Variants in MYO3B observed in about 807,000 individuals in gnomAD.
MYO3B encodes myosin-IIIb.
MYO3B carries 156 observed loss-of-function variants against 174.6 expected under a neutral mutation model. That is an observed-to-expected ratio of 0.89 (90% CI 0.78 to 1.02). The LOEUF (loss-of-function observed/expected upper bound fraction) is 1.02, where lower values mean the gene tolerates loss of function less well. MYO3B is among the 50% of genes least tolerant of loss of function. The pLI, the probability that MYO3B is intolerant of heterozygous loss-of-function variation, is 0.00. For missense variants in MYO3B, 1,632 were observed against 1,639.4 expected, an observed-to-expected ratio of 1.00 and a Z score of 0.08; for synonymous variants, 563 against 569.1, an observed-to-expected ratio of 0.99 and a Z score of 0.15.
At chr2:170,527,666 T>A (rs995806588) in intron 30 of MYO3B, among the ~76,000 whole-genome samples, 2 of 152,204 alleles carry the variant, frequency 1.3e-5, no homozygotes, top group Non-Finnish European at 2.9e-5. Context: ...GGAGCCAAAC[T>A]GCCTCTGTTC....
intron 25 of MYO3B, among the ~76,000 whole-genome samples, chr2:170,487,410 G>A (rs1052746658): frequency 1.3e-5 from 2 of 152,070 alleles, no homozygotes; most frequent in Non-Finnish European, 2.9e-5. Context: ...TTGCTTACTC[G>A]TGTCATTCAG....
At chr2:170,191,407 G>A (rs1294880885) in intron 1 of MYO3B, among the ~76,000 whole-genome samples, 2 of 152,044 alleles carry the variant, frequency 1.3e-5, no homozygotes, top group Non-Finnish European at 2.9e-5. Flanking sequence ...ACTTGCCCAG[G>A]AATTGCAGTC....
intron 32 of MYO3B, among the ~76,000 whole-genome samples, chr2:170,561,225 T>A (rs373752567): frequency 6.6e-6 from 1 of 152,318 alleles, no homozygotes; most frequent in African/African-American, 2.4e-5. Flanking sequence ...AAAGAAGAGT[T>A]AGAATGGATG....
At chr2:170,499,232 C>G (rs1402147948) in intron 26 of MYO3B, among the ~76,000 whole-genome samples, 2 of 152,192 alleles carry the variant, frequency 1.3e-5, no homozygotes, top group Non-Finnish European at 2.9e-5. Context: ...TCCTCCTCAG[C>G]AGAAATTAGA....
At chr2:170,217,052 A>G (rs1041608965) in intron 5 of MYO3B, among the ~76,000 whole-genome samples, 8 of 150,488 alleles carry the variant, frequency 5.3e-5, no homozygotes, top group Non-Finnish European at 1.0e-4. Flanking sequence ...AAAAAAACCC[A>G]AAATATTCTG....
At chr2:170,237,172 C>T (rs896727302) in intron 7 of MYO3B, among the ~76,000 whole-genome samples, 3 of 152,128 alleles carry the variant, frequency 2.0e-5, no homozygotes, top group African/African-American at 7.2e-5. Context: ...AGACGAAGCA[C>T]CTGGCTTTTT....
intron 32 of MYO3B, among the ~76,000 whole-genome samples, chr2:170,582,792 A>G (rs931687814): frequency 2.0e-5 from 3 of 152,094 alleles, no homozygotes; most frequent in African/African-American, 7.2e-5. Context: ...AAAAATCGTC[A>G]TTGTGGTTTT....
chr2:170,529,960 A>G (rs914830146), intron 30 of MYO3B, among the ~76,000 whole-genome samples: 5 of 152,258 alleles, frequency 3.3e-5, no homozygotes, highest in African/African-American at 1.2e-4. Context: ...TGTGAATTAA[A>G]TAGCAGCTTG....
At chr2:170,338,349 A>G (rs997688756) in intron 8 of MYO3B, among the ~76,000 whole-genome samples, 1 of 152,142 alleles carries the variant, frequency 6.6e-6, no homozygotes, top group African/African-American at 2.4e-5. Context: ...GAAATATGTC[A>G]TCAGTCTTCT....
intron 32 of MYO3B, chr2:170,640,278 G>C (rs1697864264): frequency 6.6e-6 from 1 of 152,230 alleles, no homozygotes; most frequent in Non-Finnish European, 1.5e-5. Flanking sequence ...ATCCAGGGTG[G>C]AGAACCACTC....
chr2:170,452,905 C>T (rs1683679809), intron 23 of MYO3B, among the ~76,000 whole-genome samples: 1 of 152,142 alleles, frequency 6.6e-6, no homozygotes, highest in Non-Finnish European at 1.5e-5. Context: ...CCTAGGCTGC[C>T]ATTGTCAAAA....
chr2:170,623,898 T>C (rs1340117000), intron 32 of MYO3B, among the ~76,000 whole-genome samples: 1 of 151,742 alleles, frequency 6.6e-6, no homozygotes, highest in Non-Finnish European at 1.5e-5. Flanking sequence ...TGTGGTATTA[T>C]TTCTGAGGCC....
At chr2:170,410,232 A>G (rs903323760) in intron 22 of MYO3B, among the ~76,000 whole-genome samples, 22 of 152,216 alleles carry the variant, frequency 1.4e-4, no homozygotes, top group Admixed American at 8.5e-4. Context: ...TTACTTTACA[A>G]ACCTCTTTTG....
At position 170,466,576 on chromosome 2, in the gene MYO3B, A is replaced by T. The variant is rs202142507; in HGVS notation, c.2879A>T (p.Asn960Ile). The part of the protein sequence containing the change: ...QPHFVRCIKP[N>I]DDREALQFSR... ...CACTTTGTGCGCTGCATTAAACCCA[A>T]TGATGACCGAGAGGCCCTGCAGTTC... is the stretch of plus-strand genomic sequence containing the variant. Residue 960 changes from asparagine (N) to isoleucine (I), a missense_variant, in exon 25 of 35, where the codon AAT (asparagine) becomes ATT (isoleucine). Transcript: ENST00000408978. 1.5e-5 allele frequency: 25 copies of T among 1,614,074 alleles called. No individual in the cohort carries two copies. Among genetic ancestry groups the T allele is most frequent in the Non-Finnish European group, 4.2e-6 (5 of 1,180,024 alleles).
intron 7 of MYO3B, among the ~76,000 whole-genome samples, chr2:170,273,220 G>T (rs1016944656): frequency 1.3e-5 from 2 of 152,102 alleles, no homozygotes; most frequent in African/African-American, 2.4e-5. Flanking sequence ...GTGACCATGT[G>T]GGGGTTTGAG....
chr2:170,302,290 A>G (rs1044161658), intron 7 of MYO3B, among the ~76,000 whole-genome samples: 1 of 152,228 alleles, frequency 6.6e-6, no homozygotes, highest in African/African-American at 2.4e-5. Flanking sequence ...GAATTAAAAC[A>G]TAAATGTACA....
At chr2:170,491,671 C>T (rs1391510630) in intron 25 of MYO3B, among the ~76,000 whole-genome samples, 3 of 152,228 alleles carry the variant, frequency 2.0e-5, no homozygotes, top group South Asian at 2.1e-4. Context: ...GTGATCTGCC[C>T]GCCTTGGCCT....
At chr2:170,536,052 A>T (rs1411572167) in intron 30 of MYO3B, among the ~76,000 whole-genome samples, 1 of 152,228 alleles carries the variant, frequency 6.6e-6, no homozygotes, top group Non-Finnish European at 1.5e-5. Context: ...TTCTGCTCCT[A>T]CCTTAGACTT....
chr2:170,501,033 T>C (rs1329102822), intron 27 of MYO3B, among the ~76,000 whole-genome samples: 2 of 152,190 alleles, frequency 1.3e-5, no homozygotes, highest in African/African-American at 4.8e-5. Context: ...TCAGTCTATT[T>C]TGGACTTCAT....
Sources: allele counts gnomAD v4.1 joint callset (sites outside exome capture counted in the v4.1 genomes callset), GRCh38; gene constraint gnomAD v4.1.1; transcripts MANE v1.5; gene names NCBI Gene and HGNC (gene_info 2026-07-23, HGNC 2026-07-21).